The following FNIP1 variants were observed in gnomAD, a reference collection of about 807,000 sequenced individuals.
The protein encoded by FNIP1 is folliculin-interacting protein 1.
FNIP1 carries 40 observed loss-of-function variants against 124.5 expected under a neutral mutation model. That is an observed-to-expected ratio of 0.32 (90% CI 0.25 to 0.42). The LOEUF (loss-of-function observed/expected upper bound fraction) is 0.42, where lower values mean the gene tolerates loss of function less well. FNIP1 is among the 10% of genes least tolerant of loss of function. The pLI is 1.00. For missense variants in FNIP1, 1,176 were observed against 1,403.7 expected, an observed-to-expected ratio of 0.84 and a Z score of 2.59; for synonymous variants, 472 against 470.6, an observed-to-expected ratio of 1.00 and a Z score of -0.04.
intron 11 of FNIP1, among the ~76,000 whole-genome samples, chr5:131,681,818 G>C (rs1768095654): frequency 7.5e-6 from 1 of 133,082 alleles, no homozygotes. Context: ...GTAAAAGAAA[G>C]CAGAAAAATT....
chr5:131,712,027 A>G (rs1769308948), intron 6 of FNIP1, among the ~76,000 whole-genome samples: 1 of 152,180 alleles, frequency 6.6e-6, no homozygotes, highest in African/African-American at 2.4e-5. Context: ...ATATATGCAC[A>G]TACACACAGT....
chr5:131,763,353 C>T (rs141649783), intron 1 of FNIP1, among the ~76,000 whole-genome samples: 95 of 151,240 alleles, frequency 6.3e-4, no homozygotes, highest in African/African-American at 2.2e-3. Flanking sequence ...AAAAGATTGG[C>T]AAATGAATGC....
chr5:131,782,011 AGGCATCGTGGC>A (rs1426583315), intron 1 of FNIP1, among the ~76,000 whole-genome samples: 1 of 152,080 alleles, frequency 6.6e-6, no homozygotes, highest in African/African-American at 2.4e-5. Context: ...AAAATTAGCC[AGGCATCGTGGC>A]AAACACCTAT....
At chr5:131,770,426 T>C (rs1395250159) in intron 1 of FNIP1, among the ~76,000 whole-genome samples, 2 of 152,210 alleles carry the variant, frequency 1.3e-5, no homozygotes, top group East Asian at 3.8e-4. Flanking sequence ...TTAATATGTA[T>C]CAGCATGTTC....
Position 131,672,076 on chromosome 5 carries a change from C to T in FNIP1, c.2368G>A (p.Ala790Thr). 5 of 1,614,138 alleles carry T rather than the reference C, an allele frequency of 3.1e-6. No individual in the cohort carries two copies. The highest frequency in any genetic ancestry group is 4.2e-6 in the Non-Finnish European group (5 of 1,180,032). The change falls in exon 14 of 18, where the codon GCT (alanine) becomes ACT (threonine). Residue 790 changes from alanine (A) to threonine (T), a missense_variant. Coordinates refer to ENST00000510461, the MANE Select transcript of FNIP1 (RefSeq NM_133372.3). ...HTKPLKEERGAIDQHQETKQT... is the reference protein window; with the variant it reads ...HTKPLKEERGTIDQHQETKQT... The stretch of plus-strand genomic sequence containing the variant: ...TTAGTTTCTTGATGCTGATCAATAG[C>T]CCCTCTTTCTTCCTTCAATGGTTTG...
intron 15 of FNIP1, among the ~76,000 whole-genome samples, chr5:131,653,738 A>T (rs946606764): frequency 5.3e-5 from 8 of 152,144 alleles, no homozygotes; most frequent in Admixed American, 1.3e-4. Flanking sequence ...TTGAACTTTT[A>T]AATTTTTATT....
chr5:131,653,894 A>C (rs944924438), intron 15 of FNIP1, among the ~76,000 whole-genome samples: 3 of 152,118 alleles, frequency 2.0e-5, no homozygotes, highest in Non-Finnish European at 4.4e-5. Flanking sequence ...GGTGTGTGCC[A>C]CCACGCCCGG....
intron 11 of FNIP1, among the ~76,000 whole-genome samples, chr5:131,682,898 GTTGGGAGGAAACT>G (rs1009679086): frequency 6.6e-6 from 1 of 152,070 alleles, no homozygotes; most frequent in African/African-American, 2.4e-5. Flanking sequence ...GACTCTTTTG[GTTGGGAGGAAACT>G]GTAGGCATGA....
intron 2 of FNIP1, among the ~76,000 whole-genome samples, chr5:131,737,736 ATTAC>A: frequency 6.6e-6 from 1 of 152,278 alleles, no homozygotes. Flanking sequence ...TGCTATCATT[ATTAC>A]TTTTATTAGA....
At chr5:131,682,740 A>T (rs1768132262) in intron 11 of FNIP1, among the ~76,000 whole-genome samples, 1 of 152,096 alleles carries the variant, frequency 6.6e-6, no homozygotes, top group Admixed American at 6.6e-5. Flanking sequence ...TCTAGAAGTA[A>T]TGGTTTATTC....
At chr5:131,759,009 A>G (rs922572511) in intron 1 of FNIP1, among the ~76,000 whole-genome samples, 3 of 152,118 alleles carry the variant, frequency 2.0e-5, no homozygotes, top group African/African-American at 7.2e-5. Context: ...CTTAACAAAA[A>G]AGGGTGTTAA....
At chr5:131,650,732 G>A (rs1419606079) in intron 16 of FNIP1, among the ~76,000 whole-genome samples, 1 of 152,190 alleles carries the variant, frequency 6.6e-6, no homozygotes, top group African/African-American at 2.4e-5. Context: ...CCACCACTTA[G>A]TGTGATGTTG....
At position 131,729,824 on chromosome 5, in the gene FNIP1, C is replaced by T. The variant is rs545347247; in HGVS notation, c.354+1080G>A. Among the ~76,000 whole-genome samples the T allele has an allele frequency of 1.6e-4, 24 of 152,226 alleles. No individual in the cohort carries two copies. The East Asian group carries it at 4.4e-3, about 28-fold the overall frequency. ...GCAATGGCGCAATCTTGGGTCACCA[C>T]AACATCCGCCTCCCAGGTTCAAGCA... On this transcript the variant is annotated intron_variant, in intron 3 of 17. Coordinates refer to ENST00000510461, the MANE Select transcript of FNIP1 (RefSeq NM_133372.3).
At chr5:131,682,308 T>C (rs1768114951) in intron 11 of FNIP1, among the ~76,000 whole-genome samples, 1 of 152,200 alleles carries the variant, frequency 6.6e-6, no homozygotes. Context: ...TATATTTGTT[T>C]AAAAGTATTA....
chr5:131,767,145 T>C (rs1278912051), intron 1 of FNIP1, among the ~76,000 whole-genome samples: 1 of 151,870 alleles, frequency 6.6e-6, no homozygotes, highest in African/African-American at 2.4e-5. Flanking sequence ...TTAAAAGAAA[T>C]TTTCTTGGCC....
chr5:131,733,722 T>G (rs910047388), intron 2 of FNIP1, among the ~76,000 whole-genome samples: 36 of 152,212 alleles, frequency 2.4e-4, no homozygotes, highest in African/African-American at 8.2e-4. Flanking sequence ...GCTGCTGGAT[T>G]TGGTTTGCCA....
At chr5:131,666,386 G>A (rs866632375) in intron 15 of FNIP1, among the ~76,000 whole-genome samples, 14 of 152,204 alleles carry the variant, frequency 9.2e-5, no homozygotes, top group African/African-American at 3.1e-4. Flanking sequence ...CTAAAACAGA[G>A]GGGGAAAGAC....
intron 1 of FNIP1, among the ~76,000 whole-genome samples, chr5:131,795,260 G>A (rs1157494420): frequency 1.3e-5 from 2 of 152,054 alleles, no homozygotes; most frequent in African/African-American, 4.8e-5. Flanking sequence ...GCTCTATCTC[G>A]TAAGATTGCT....
chr5:131,665,594 GTT>G (rs1258920994), intron 15 of FNIP1, among the ~76,000 whole-genome samples: 1 of 139,460 alleles, frequency 7.2e-6, no homozygotes, highest in Non-Finnish European at 1.6e-5. Context: ...ATATAGATAG[GTT>G]TTTTTTTTTT....
Sources: gnomAD v4.1 joint callset for allele counts (sites outside exome capture counted in the v4.1 genomes callset) on GRCh38, gnomAD v4.1.1 for gene constraint, MANE v1.5 for transcripts, NCBI Gene and HGNC (gene_info 2026-07-23, HGNC 2026-07-21) for gene names.